Variants in PIN4 observed in about 807,000 individuals in gnomAD.
PIN4 encodes peptidylprolyl cis/trans isomerase, NIMA-interacting 4.
A neutral mutation model predicts 8.3 loss-of-function variants in PIN4; 3 were observed. The ratio of observed to expected loss-of-function variants is 0.36; its 90% CI spans 0.16 to 0.93. PIN4 has a LOEUF of 0.93. Ranked by LOEUF, PIN4 falls within the 40% of genes least tolerant of loss-of-function variation. The pLI is 0.44. For missense variants in PIN4, 75 were observed against 100.6 expected, an observed-to-expected ratio of 0.75 and a Z score of 1.09; for synonymous variants, 18 against 32.5, an observed-to-expected ratio of 0.55 and a Z score of 1.52.
exon 4 of PIN4, chrX:72,263,073 A>C: frequency 4.0e-6 from 1 of 250,328 alleles, no homozygotes. Flanking sequence ...TGAACGGGCT[A>C]GGTGCTGGGG....
At chrX:72,225,482 C>T (rs1189772460) in intron 3 of PIN4, among the ~76,000 whole-genome samples, 1 of 112,173 alleles carries the variant, frequency 8.9e-6, no homozygotes, top group Non-Finnish European at 1.9e-5. Flanking sequence ...CCCAATTAAC[C>T]TCTCCAAAAG....
chrX:72,214,672 CAA>C (rs58451189), intron 3 of PIN4, among the ~76,000 whole-genome samples: 5 of 41,977 alleles, frequency 1.2e-4, no homozygotes, highest in African/African-American at 8.6e-5. Flanking sequence ...GACTCCATCT[CAA>C]AAAAAAAAAA....
chrX:72,235,836 T>C (rs2043014571), intron 3 of PIN4, among the ~76,000 whole-genome samples: 1 of 112,014 alleles, frequency 8.9e-6, no homozygotes, highest in African/African-American at 3.2e-5. Flanking sequence ...GAAATTAGTA[T>C]GTGGATATCC....
rs1225589420 is a variant in PIN4 at position 72,243,830 on chromosome X, C to T, written c.313-18877C>T. ...ACATGCACTGTCTTTTAATCCTTAACAACAACCTTGTTAGATGGTGTATAC... is the reference window on the plus strand; with the variant it reads ...ACATGCACTGTCTTTTAATCCTTAATAACAACCTTGTTAGATGGTGTATAC... On this transcript the variant is annotated intron_variant, in intron 3 of 3. Coordinates refer to the PIN4 transcript ENST00000423432. Among the ~76,000 whole-genome samples the T allele has an allele frequency of 4.5e-5, 5 of 112,085 alleles. No individual in the cohort carries two copies. In the Admixed American group the frequency reaches 4.8e-4, roughly 11 times the overall value.
chrX:72,196,905 G>T lies in PIN4; in HGVS notation c.237+1G>T. 1.7e-6 allele frequency: 2 copies of T among 1,176,945 alleles called. No individual in the cohort carries two copies. The highest frequency in any genetic ancestry group is 2.3e-6 in the Non-Finnish European group (2 of 877,611). On this transcript the variant is annotated splice_donor_variant, in intron 3 of 3. Coordinates refer to ENST00000373669, the MANE Select transcript of PIN4 (RefSeq NM_006223.4). LOFTEE classifies it high-confidence loss of function. ...TAGTGAAGATAAAGCCAGGCAAGGG[G>T]TATGTTGCTCTTATTATTTATAATT...
At chrX:72,261,245 G>A (rs2043138398) in intron 3 of PIN4, among the ~76,000 whole-genome samples, 2 of 104,239 alleles carry the variant, frequency 1.9e-5, no homozygotes, top group South Asian at 4.8e-4. Flanking sequence ...GCAGTGAGCC[G>A]AGACGTGCCA....
chrX:72,213,507 T>C (rs2042868910), intron 3 of PIN4, among the ~76,000 whole-genome samples: 1 of 112,041 alleles, frequency 8.9e-6, no homozygotes. Context: ...CTGGTCTGTG[T>C]TTGTTACGGC....
At chrX:72,241,855 A>C (rs747293572) in intron 3 of PIN4, among the ~76,000 whole-genome samples, 1 of 111,623 alleles carries the variant, frequency 9.0e-6, no homozygotes, top group East Asian at 2.8e-4. Flanking sequence ...ATGGCATTTT[A>C]TTATAGCAGC....
At chrX:72,238,983 C>T in intron 3 of PIN4, 2 of 1,026,559 alleles carry the variant, frequency 1.9e-6, no homozygotes, top group Admixed American at 2.6e-5. Context: ...GAGCTTGGAG[C>T]TTAGAGTTTG....
chrX:72,247,768 A>G (rs1019234211), intron 3 of PIN4, among the ~76,000 whole-genome samples: 1 of 112,606 alleles, frequency 8.9e-6, no homozygotes, highest in Admixed American at 9.4e-5. Context: ...CTTCCCAGCC[A>G]TCTGCTCAGA....
In PIN4 at chrX:72,232,577, G is replaced by A. The variant is rs1427873564; in HGVS notation, c.313-30130G>A. 1.9e-4 allele frequency among the ~76,000 whole-genome samples: 21 copies of A among 112,392 alleles called. No individual in the cohort carries two copies. In the Admixed American group the frequency reaches 2.0e-3, roughly 11 times the overall value. On this transcript the variant is annotated intron_variant, in intron 3 of 3. Transcript: ENST00000423432. ...TAATCCCAGCACTTGGGGAGGCCAA[G>A]GCAGGCAGATCACCTGAAGTCAAGA...
chrX:72,231,751 G>A (rs1252697913), intron 3 of PIN4, among the ~76,000 whole-genome samples: 8 of 110,925 alleles, frequency 7.2e-5, no homozygotes, highest in East Asian at 2.8e-4. Context: ...ACAGAGTTTC[G>A]CCATGTTGGT....
At chrX:72,199,679 A>G (rs1374804514), downstream of PIN4, among the ~76,000 whole-genome samples, 1 of 112,381 alleles carries the variant, frequency 8.9e-6, no homozygotes, top group African/African-American at 3.2e-5. Flanking sequence ...GTGAATACCT[A>G]TTGCACAGAT....
chrX:72,236,372 C>T (rs1273672932), intron 3 of PIN4, among the ~76,000 whole-genome samples: 7 of 111,306 alleles, frequency 6.3e-5, no homozygotes, highest in African/African-American at 2.3e-4. Context: ...CATCTCAGCT[C>T]GCTGCAACCT....
intron 3 of PIN4, 182 bp from the exon 4 acceptor site, chrX:72,197,186 A>G (rs1200531120): frequency 1.3e-5 from 6 of 459,909 alleles, no homozygotes; most frequent in Non-Finnish European, 2.2e-5. Flanking sequence ...TGTTGAGAGT[A>G]CTTATGTGTT....
intron 1 of PIN4, among the ~76,000 whole-genome samples, chrX:72,184,524 G>A (rs750045782): frequency 1.8e-5 from 2 of 110,998 alleles, no homozygotes; most frequent in South Asian, 7.7e-4. Context: ...GCAGGAGTGA[G>A]GGTGGAGAGG....
chrX:72,218,105 C>T (rs1395288481), intron 3 of PIN4, among the ~76,000 whole-genome samples: 11 of 109,755 alleles, frequency 1.0e-4, no homozygotes, highest in African/African-American at 3.6e-4. Context: ...CCTGTCTCTA[C>T]TAAAAATACA....
At chrX:72,246,947 G>A (rs2043069341) in intron 3 of PIN4, among the ~76,000 whole-genome samples, 1 of 111,845 alleles carries the variant, frequency 8.9e-6, no homozygotes, top group African/African-American at 3.3e-5. Context: ...TTATACCCTC[G>A]CAGAGCTCAG....
intron 3 of PIN4, chrX:72,256,132 G>A (rs1359621563): frequency 4.5e-5 from 5 of 111,809 alleles, no homozygotes; most frequent in African/African-American, 1.3e-4. Context: ...CAGGTATTGT[G>A]TTGAGGAAAA....
Sources: allele counts gnomAD v4.1 joint callset (sites outside exome capture counted in the v4.1 genomes callset), GRCh38; gene constraint gnomAD v4.1.1; transcripts MANE v1.5; gene names NCBI Gene and HGNC (gene_info 2026-07-23, HGNC 2026-07-21).